The following RUNX1T1 variants were observed in gnomAD, a reference collection of about 807,000 sequenced individuals.
RUNX1T1 encodes RUNX1 partner transcriptional co-repressor 1, also known as protein CBFA2T1.
Under a neutral mutation model 62.8 loss-of-function variants are expected in RUNX1T1, and 4 were observed. The observed-to-expected ratio is 0.06, with a 90% CI of 0.03 to 0.15. The LOEUF (loss-of-function observed/expected upper bound fraction) is 0.15. RUNX1T1 is among the 10% of genes least tolerant of loss of function. The probability of loss-of-function intolerance (pLI) is 1.00; values close to 1 mark genes in which losing one functional copy is unlikely to be tolerated. For synonymous variants in RUNX1T1, 291 were observed against 286.0 expected, an observed-to-expected ratio of 1.02 and a Z score of -0.18; for missense variants, 508 against 754.3, an observed-to-expected ratio of 0.67 and a Z score of 3.82.
At chr8:92,051,628 T>A (rs946908128) in intron 1 of RUNX1T1, among the ~76,000 whole-genome samples, 12 of 141,768 alleles carry the variant, frequency 8.5e-5, no homozygotes, top group Non-Finnish European at 1.5e-4. Context: ...TCTCTCACTC[T>A]CTCTCTCTCT....
intron 2 of RUNX1T1, among the ~76,000 whole-genome samples, chr8:92,069,937 A>G (rs753976149): frequency 5.3e-5 from 8 of 152,286 alleles, no homozygotes; most frequent in South Asian, 2.1e-4. Flanking sequence ...ATTCCTATTG[A>G]TAAATTGACA....
chr8:91,958,703 C>T (rs1203714333), downstream of RUNX1T1: 1 of 154,802 alleles, frequency 6.5e-6, no homozygotes, highest in African/African-American at 2.8e-5. Context: ...TGAAATGGCT[C>T]TAGCATATTT....
chr8:92,034,741 T>C (rs1241524732), intron 1 of RUNX1T1, among the ~76,000 whole-genome samples: 1 of 150,664 alleles, frequency 6.6e-6, no homozygotes, highest in East Asian at 2.0e-4. Context: ...TATACATATA[T>C]ATACACATAT....
At chr8:92,001,108 A>C (rs954672413) in intron 5 of RUNX1T1, among the ~76,000 whole-genome samples, 1 of 152,138 alleles carries the variant, frequency 6.6e-6, no homozygotes, top group African/African-American at 2.4e-5. Context: ...GCAGGTTCAC[A>C]TGGGCCCAGG....
intron 1 of RUNX1T1, among the ~76,000 whole-genome samples, chr8:92,033,555 CG>C (rs1268058028): frequency 6.6e-6 from 1 of 152,156 alleles, no homozygotes; most frequent in Non-Finnish European, 1.5e-5. Context: ...GACGGTGAGG[CG>C]GGCTGATCAC....
rs201224282 is a variant in RUNX1T1, at chr8:91,970,888, C to T, written c.1268-40G>A. On this transcript the variant is annotated intron_variant, in intron 9 of 10. Coordinates refer to ENST00000396218, the Ensembl canonical transcript of RUNX1T1. Reference sequence around the variant, plus strand: ...GGCCAAACCAGACAAGAAAACACCTCTCAGTTAGCCGAAGTCATTGGATAC... The same window carrying T: ...GGCCAAACCAGACAAGAAAACACCTTTCAGTTAGCCGAAGTCATTGGATAC... The T allele has an allele frequency of 1.8e-5, 27 of 1,503,610 alleles. No individual in the cohort carries two copies. The African/African-American group carries it at 3.8e-4, about 21-fold the overall frequency. 93.1% of individuals were successfully genotyped at this position (1,503,610 alleles called of 1,614,324 possible). A position where few individuals can be genotyped will look rare whatever the true frequency, so the allele number is the denominator to read the frequency against.
At chr8:91,955,648 C>T (rs1214949418), downstream of RUNX1T1, 4 of 225,740 alleles carry the variant, frequency 1.8e-5, no homozygotes, top group Admixed American at 5.7e-5. Context: ...CAGCATTCAC[C>T]TTCATAACCT....
At chr8:92,076,770 T>C (rs1221116381) in intron 1 of RUNX1T1, among the ~76,000 whole-genome samples, 28 of 152,096 alleles carry the variant, frequency 1.8e-4, no homozygotes, top group Admixed American at 6.5e-5. Flanking sequence ...TTTAATAATA[T>C]AAATTTTCTC....
At chr8:92,048,198 C>T (rs1829709561) in intron 1 of RUNX1T1, among the ~76,000 whole-genome samples, 1 of 152,140 alleles carries the variant, frequency 6.6e-6, no homozygotes, top group African/African-American at 2.4e-5. Context: ...ACATTCAATA[C>T]ACTTGTTTTA....
intron 2 of RUNX1T1, chr8:92,071,123 C>T (rs561375320): frequency 1.3e-5 from 2 of 152,350 alleles, no homozygotes; most frequent in South Asian, 4.1e-4. Flanking sequence ...TCACCACCTC[C>T]AGCTTCGTCA....
At chr8:92,000,163 C>T (rs561199496) in intron 5 of RUNX1T1, among the ~76,000 whole-genome samples, 2 of 151,922 alleles carry the variant, frequency 1.3e-5, no homozygotes, top group Admixed American at 6.6e-5. Context: ...AAAAATTAGC[C>T]GGGCATGGTG....
In RUNX1T1 at chr8:91,996,958, C is replaced by T. The variant is rs1442800699; in HGVS notation, c.660-5069G>A. ...CCGACATGGTGAAACCCCGTCTCTA[C>T]TAAGAAAAAAAAAAAAAAATTAGCC... On this transcript the variant is annotated intron_variant, in intron 5 of 10. Coordinates refer to ENST00000396218, the Ensembl canonical transcript of RUNX1T1. Among the ~76,000 whole-genome samples the T allele has an allele frequency of 2.8e-5, 4 of 140,750 alleles. No homozygotes were observed. In the Admixed American group the frequency reaches 2.9e-4, roughly 10 times the overall value. The allele number at this position is 140,750 out of a possible 152,430, so 92.3% of individuals were successfully genotyped here.
At chr8:92,093,849 C>G (rs1837395394) in intron 1 of RUNX1T1, among the ~76,000 whole-genome samples, 1 of 152,188 alleles carries the variant, frequency 6.6e-6, no homozygotes, top group Non-Finnish European at 1.5e-5. Context: ...CTATGGCTAG[C>G]ATGCTTTTCA....
intron 1 of RUNX1T1, among the ~76,000 whole-genome samples, chr8:92,034,883 T>C (rs1267695254): frequency 6.6e-6 from 1 of 151,360 alleles, no homozygotes; most frequent in Non-Finnish European, 1.5e-5. Context: ...TCATGTATTT[T>C]GCAGCAACCC....
Position 91,993,556 on chromosome 8 carries a change from G to T in RUNX1T1, c.660-1667C>A, listed in dbSNP as rs1189225692. ...TTCAATATTCTGCTCAGTAAAATGG[G>T]ACTGATAGGAAACAACATTTGTAAA... On this transcript the variant is annotated intron_variant, in intron 5 of 10. Transcript: ENST00000396218. Among the ~76,000 whole-genome samples the T allele has an allele frequency of 2.0e-5, 3 of 152,064 alleles. No individual in the cohort carries two copies. In the East Asian group the frequency reaches 5.8e-4, roughly 29 times the overall value.
intron 5 of RUNX1T1, chr8:91,994,528 G>A: frequency 2.1e-6 from 1 of 483,210 alleles, no homozygotes; most frequent in Non-Finnish European, 4.1e-6. Flanking sequence ...ACTGGACTGG[G>A]AATCAAGAGA....
chr8:91,984,356 A>G (rs1387263311), intron 8 of RUNX1T1, among the ~76,000 whole-genome samples: 1 of 152,132 alleles, frequency 6.6e-6, no homozygotes, highest in African/African-American at 2.4e-5. Context: ...AAGTCTGATC[A>G]ATTTCGGAGA....
intron 1 of RUNX1T1, among the ~76,000 whole-genome samples, chr8:92,019,730 G>T (rs935106321): frequency 6.6e-6 from 1 of 152,040 alleles, no homozygotes; most frequent in Non-Finnish European, 1.5e-5. Context: ...TCAATTTTAA[G>T]TTTGTATTTA....
intron 1 of RUNX1T1, among the ~76,000 whole-genome samples, chr8:92,035,996 T>A (rs1276936424): frequency 6.6e-6 from 1 of 152,194 alleles, no homozygotes; most frequent in African/African-American, 2.4e-5. Flanking sequence ...ATAAATTTAA[T>A]GTTAGTAAGT....
Sources: gnomAD v4.1 joint callset for allele counts (sites outside exome capture counted in the v4.1 genomes callset) on GRCh38, gnomAD v4.1.1 for gene constraint, MANE v1.5 for transcripts, NCBI Gene and HGNC (gene_info 2026-07-23, HGNC 2026-07-21) for gene names.